STARD13: variants seen among roughly 807,000 people sequenced by gnomAD.
STARD13 encodes the protein stAR-related lipid transfer protein 13.
Under a neutral mutation model 106.4 loss-of-function variants are expected in STARD13, and 62 were observed. That is an observed-to-expected ratio of 0.58 (90% CI 0.48 to 0.72). The LOEUF (loss-of-function observed/expected upper bound fraction) is 0.72, where lower values mean the gene tolerates loss of function less well. STARD13 is among the 30% of genes least tolerant of loss of function. The pLI, the probability that STARD13 is intolerant of heterozygous loss-of-function variation, is 0.00. For synonymous variants in STARD13, 565 were observed against 553.0 expected, an observed-to-expected ratio of 1.02 and a Z score of -0.31; for missense variants, 1,387 against 1,424.0, an observed-to-expected ratio of 0.97 and a Z score of 0.42.
chr13:33,242,009 G>C (rs1436870492), intron 1 of STARD13, among the ~76,000 whole-genome samples: 2 of 151,804 alleles, frequency 1.3e-5, no homozygotes, highest in Non-Finnish European at 2.9e-5. Flanking sequence ...CCATGGTCTG[G>C]GGTGTGGGGA....
chr13:33,381,643 G>C, the STARD13 span, among the ~76,000 whole-genome samples: 4 of 152,242 alleles, frequency 2.6e-5, no homozygotes, highest in Admixed American at 2.6e-4. Flanking sequence ...AGGAGCCTGA[G>C]GCAGGAGAAT....
intron 1 of STARD13, among the ~76,000 whole-genome samples, chr13:33,193,920 C>T (rs553907192): frequency 6.6e-6 from 1 of 152,232 alleles, no homozygotes; most frequent in South Asian, 2.1e-4. Context: ...TCAAATGGTG[C>T]TGATAACTAA....
At chr13:33,461,221 T>C in the STARD13 span, among the ~76,000 whole-genome samples, 1 of 152,224 alleles carries the variant, frequency 6.6e-6, no homozygotes, top group African/African-American at 2.4e-5. Flanking sequence ...ACTTTAAATA[T>C]GTGCAGTTTA....
chr13:33,172,513 C>T (rs966733048), intron 1 of STARD13, among the ~76,000 whole-genome samples: 2 of 152,194 alleles, frequency 1.3e-5, no homozygotes, highest in African/African-American at 2.4e-5. Flanking sequence ...AGTCAGGAAA[C>T]ATAGTGAGCA....
chr13:33,255,193 C>T (rs901190965), intron 1 of STARD13, among the ~76,000 whole-genome samples: 6 of 152,024 alleles, frequency 3.9e-5, no homozygotes, highest in African/African-American at 1.4e-4. Context: ...GGAACTCTCC[C>T]GTTTCACTGT....
the STARD13 span, among the ~76,000 whole-genome samples, chr13:33,499,801 A>G: frequency 2.2e-4 from 23 of 102,866 alleles, no homozygotes; most frequent in Non-Finnish European, 3.9e-4. Context: ...GTCTTACTCT[A>G]TTCCCCAGGC....
At chr13:33,313,420 T>C (rs1257067114) in intron 1 of STARD13, among the ~76,000 whole-genome samples, 1 of 152,240 alleles carries the variant, frequency 6.6e-6, no homozygotes, top group Non-Finnish European at 1.5e-5. Flanking sequence ...ATTCTTTCTC[T>C]TCCAACTTGC....
At position 33,329,206 on chromosome 13, in the gene STARD13, C is replaced by G. The variant is rs1408152539; in HGVS notation, c.124+21084G>C. ...CTTTTAAACTATGTACCCCTAAAATCATTCTGTAAATATACTAAAGTCATG... is the reference window on the plus strand; with the variant it reads ...CTTTTAAACTATGTACCCCTAAAATGATTCTGTAAATATACTAAAGTCATG... On this transcript the variant is annotated intron_variant, in intron 1 of 5. Coordinates refer to the STARD13 transcript ENST00000567873. 2.6e-5 allele frequency among the ~76,000 whole-genome samples: 4 copies of G among 152,246 alleles called. No individual in the cohort carries two copies. The East Asian group carries it at 7.7e-4, about 29-fold the overall frequency.
the STARD13 span, among the ~76,000 whole-genome samples, chr13:33,447,786 G>C: frequency 2.0e-5 from 3 of 152,282 alleles, no homozygotes; most frequent in East Asian, 3.9e-4. Flanking sequence ...AGAGATGGGA[G>C]TGTTAATTAG....
At position 33,130,177 on chromosome 13, in the gene STARD13, T is replaced by C; in HGVS notation, c.500A>G (p.Asp167Gly). Residue 167 changes from aspartate (D) to glycine (G), a missense_variant, in exon 5 of 14, where the codon GAC becomes GGC. Physicochemically the swap from Asp to Gly is moderately conservative, Grantham distance 94. Coordinates refer to ENST00000336934, the MANE Select transcript of STARD13 (RefSeq NM_178006.4). The surrounding 1 kb of genome is among the most constrained non-coding windows in gnomAD (Gnocchi z 4.1). Reference sequence around the variant, plus strand: ...CGTGCCTCCCGGTGACCCATTTCTGTCTCCTCGAGGGAGCAGCGTGTAGAG... The same window carrying C: ...CGTGCCTCCCGGTGACCCATTTCTGCCTCCTCGAGGGAGCAGCGTGTAGAG... Reference protein sequence around the residue: ...DDLYTLLPRGDRNGSPGGTGM... With the variant: ...DDLYTLLPRGGRNGSPGGTGM... The C allele has an allele frequency of 2.5e-6, 4 of 1,613,886 alleles. No homozygotes were observed. Among genetic ancestry groups the C allele is most frequent in the Non-Finnish European group, 2.5e-6 (3 of 1,180,034 alleles).
chr13:33,501,865 T>C, the STARD13 span, among the ~76,000 whole-genome samples: 2 of 150,642 alleles, frequency 1.3e-5, no homozygotes, highest in Non-Finnish European at 3.0e-5. Flanking sequence ...ATGCAGGCTC[T>C]TTTTTTTTGG....
chr13:33,422,663 C>T, the STARD13 span, among the ~76,000 whole-genome samples: 2 of 152,094 alleles, frequency 1.3e-5, no homozygotes, highest in East Asian at 3.8e-4. Flanking sequence ...AAGAACAAAG[C>T]TGGAGGCATC....
At chr13:33,317,318 T>A (rs1455599853) in intron 1 of STARD13, among the ~76,000 whole-genome samples, 1 of 152,158 alleles carries the variant, frequency 6.6e-6, no homozygotes, top group Admixed American at 6.5e-5. Context: ...GCATCTTCAT[T>A]CAGCCAGTTT....
chr13:33,587,236 C>A, the STARD13 span, among the ~76,000 whole-genome samples: 5 of 146,592 alleles, frequency 3.4e-5, no homozygotes, highest in East Asian at 2.1e-4. Flanking sequence ...AAAAAAAATT[C>A]TCTTAGTTTC....
chr13:33,332,708 A>T (rs1386905088), intron 1 of STARD13, among the ~76,000 whole-genome samples: 1 of 152,138 alleles, frequency 6.6e-6, no homozygotes, highest in Non-Finnish European at 1.5e-5. Context: ...TATCCCAAAT[A>T]GCACCCCCTT....
chr13:33,295,657 A>G (rs977124549), intron 1 of STARD13, among the ~76,000 whole-genome samples: 3 of 152,168 alleles, frequency 2.0e-5, no homozygotes, highest in South Asian at 2.1e-4. Flanking sequence ...AGTTACAATT[A>G]TAGGACTGCG....
intron 1 of STARD13, among the ~76,000 whole-genome samples, chr13:33,192,985 G>A (rs1886356617): frequency 6.6e-6 from 1 of 152,186 alleles, no homozygotes; most frequent in South Asian, 2.1e-4. Flanking sequence ...GTCACAAATG[G>A]GATGCTATAA....
the STARD13 span, among the ~76,000 whole-genome samples, chr13:33,542,348 G>C: frequency 5.9e-5 from 9 of 152,208 alleles, no homozygotes; most frequent in African/African-American, 9.6e-5. Flanking sequence ...TACAGATCCA[G>C]TTTTACCTCT....
chr13:33,405,019 C>A, the STARD13 span, among the ~76,000 whole-genome samples: 3 of 152,146 alleles, frequency 2.0e-5, no homozygotes, highest in African/African-American at 7.2e-5. Flanking sequence ...TCAAGTGATC[C>A]GCCTGCCATG....
Sources: allele counts gnomAD v4.1 joint callset (sites outside exome capture counted in the v4.1 genomes callset), GRCh38; gene constraint gnomAD v4.1.1; non-coding constraint Gnocchi (gnomAD v3.1); transcripts MANE v1.5; gene names NCBI Gene and HGNC (gene_info 2026-07-23, HGNC 2026-07-21).